PTPRK: variants seen among roughly 807,000 people sequenced by gnomAD.
The protein encoded by PTPRK is receptor-type tyrosine-protein phosphatase kappa.
PTPRK carries 75 observed loss-of-function variants against 178.0 expected under a neutral mutation model. The ratio of observed to expected loss-of-function variants is 0.42; its 90% confidence interval spans 0.35 to 0.51. PTPRK has a LOEUF of 0.51. Ranked by LOEUF, PTPRK falls within the 20% of genes least tolerant of loss-of-function variation. The pLI is 0.02. For missense variants in PTPRK, 1,441 were observed against 1,797.8 expected (o/e 0.80, Z 3.59); for synonymous variants, 637 against 620.6 (o/e 1.03, Z -0.39).
chr6:128,227,305 G>A (rs1014659855), intron 5 of PTPRK, among the ~76,000 whole-genome samples: 3 of 152,180 alleles, frequency 2.0e-5, no homozygotes, highest in African/African-American at 7.2e-5. Flanking sequence ...GGTGAAGTCA[G>A]AAGACAAATG....
chr6:128,404,158 A>G (rs1841374225), intron 1 of PTPRK, among the ~76,000 whole-genome samples: 1 of 152,208 alleles, frequency 6.6e-6, no homozygotes, highest in South Asian at 2.1e-4. Context: ...TCTTTCTCAC[A>G]TATTAAGAGG....
intron 4 of PTPRK, 86 bp from the exon 5 acceptor site, chr6:128,240,236 T>C (rs889182802): frequency 2.9e-6 from 3 of 1,021,766 alleles, no homozygotes; most frequent in East Asian, 2.6e-5. Context: ...ATATTATCAT[T>C]AGTGTTTTTA....
At chr6:128,055,259 CA>C (rs1779698693) in intron 13 of PTPRK, among the ~76,000 whole-genome samples, 2 of 151,942 alleles carry the variant, frequency 1.3e-5, no homozygotes, top group Non-Finnish European at 2.9e-5. Context: ...CTAAAGGACT[CA>C]AAGAATAAGA....
intron 2 of PTPRK, among the ~76,000 whole-genome samples, chr6:128,346,183 A>C (rs147459894): frequency 1.3e-5 from 2 of 152,086 alleles, no homozygotes; most frequent in Admixed American, 6.6e-5. Flanking sequence ...AATCTCATAG[A>C]ATTCTATGAT....
intron 9 of PTPRK, 65 bp downstream of exon 9, chr6:128,083,650 T>C: frequency 2.1e-6 from 2 of 938,308 alleles, no homozygotes; most frequent in South Asian, 4.2e-5. Context: ...CCTCTAACTT[T>C]TCCTTTCTTC....
At chr6:128,346,531 CTTTA>C (rs1832457701) in intron 2 of PTPRK, among the ~76,000 whole-genome samples, 2 of 152,014 alleles carry the variant, frequency 1.3e-5, no homozygotes, top group Admixed American at 6.6e-5. Flanking sequence ...AATAGAATTG[CTTTA>C]TTTTTTAGTT....
At chr6:128,013,705 T>C (rs1210109978) in intron 13 of PTPRK, among the ~76,000 whole-genome samples, 2 of 151,570 alleles carry the variant, frequency 1.3e-5, no homozygotes, top group Admixed American at 6.6e-5. Context: ...GCACAGTCAC[T>C]TTCTCACACA....
At chr6:128,279,843 T>C (rs1300484363) in intron 3 of PTPRK, among the ~76,000 whole-genome samples, 1 of 152,142 alleles carries the variant, frequency 6.6e-6, no homozygotes, top group Non-Finnish European at 1.5e-5. Flanking sequence ...TAACAACTCC[T>C]CACATTCCAT....
intron 5 of PTPRK, among the ~76,000 whole-genome samples, chr6:128,238,364 A>G (rs1813745200): frequency 6.6e-6 from 1 of 152,018 alleles, no homozygotes; most frequent in African/African-American, 2.4e-5. Context: ...AAAAAAAAAA[A>G]TGAGCAGTAT....
chr6:128,371,038 T>C (rs1836203028), intron 2 of PTPRK, among the ~76,000 whole-genome samples: 1 of 152,156 alleles, frequency 6.6e-6, no homozygotes, highest in Non-Finnish European at 1.5e-5. Context: ...ACAACTCAAT[T>C]ACAATCAGAC....
At chr6:128,462,758 C>A (rs527924488) in intron 1 of PTPRK, among the ~76,000 whole-genome samples, 3 of 151,780 alleles carry the variant, frequency 2.0e-5, no homozygotes, top group Admixed American at 6.6e-5. Flanking sequence ...AGGGTTCAAG[C>A]GATTCTCCTG....
At chr6:128,220,685 G>A (rs983427197) in intron 5 of PTPRK, among the ~76,000 whole-genome samples, 1 of 152,148 alleles carries the variant, frequency 6.6e-6, no homozygotes, top group Non-Finnish European at 1.5e-5. Flanking sequence ...GTGGGATCAA[G>A]GAGATACGTA....
At chr6:128,422,079 C>T (rs1226053288) in intron 1 of PTPRK, among the ~76,000 whole-genome samples, 1 of 152,170 alleles carries the variant, frequency 6.6e-6, no homozygotes, top group Non-Finnish European at 1.5e-5. Context: ...TTGTGTTGTG[C>T]ATTTTCAAAG....
chr6:128,121,265 T>A (rs1397766893), intron 7 of PTPRK, among the ~76,000 whole-genome samples: 1 of 151,962 alleles, frequency 6.6e-6, no homozygotes, highest in African/African-American at 2.4e-5. Context: ...GGGAGGAAAT[T>A]TAGTTTTAAT....
At chr6:128,228,384 C>G (rs940501107) in intron 5 of PTPRK, among the ~76,000 whole-genome samples, 29 of 151,580 alleles carry the variant, frequency 1.9e-4, no homozygotes, top group Non-Finnish European at 2.7e-4. Flanking sequence ...CGGTGGCTCA[C>G]GCCTGTAATC....
intron 7 of PTPRK, among the ~76,000 whole-genome samples, chr6:128,103,516 G>A (rs985636048): frequency 1.9e-4 from 29 of 152,232 alleles, no homozygotes; most frequent in Non-Finnish European, 3.8e-4. Context: ...TGCTCACCCT[G>A]GTTCCTGCAC....
intron 13 of PTPRK, among the ~76,000 whole-genome samples, chr6:128,038,535 A>T (rs939887669): frequency 6.6e-6 from 1 of 152,276 alleles, no homozygotes; most frequent in Admixed American, 6.5e-5. Context: ...CCACTCAATG[A>T]CAATGTCTGC....
In PTPRK at chr6:128,519,782, G is replaced by A. The variant is rs1367008189; in HGVS notation, c.100+477C>T. 6.6e-6 allele frequency among the ~76,000 whole-genome samples: 1 copy of A among 152,194 alleles called. No homozygotes were observed. Among genetic ancestry groups the A allele is most frequent in the East Asian group, 1.9e-4 (1 of 5,176 alleles). On this transcript the variant is annotated intron_variant, in intron 1 of 29. Transcript: ENST00000368226. This position sits in a 1 kb window ranked among gnomAD's most constrained non-coding sequence, Gnocchi z 4.3. ...AGTAGTTAGACAATAGTCAGGGGAG[G>A]TTATTCCCGGGACAAAAAGCACCTG...
chr6:128,440,041 A>G (rs1232780911), intron 1 of PTPRK, among the ~76,000 whole-genome samples: 3 of 152,208 alleles, frequency 2.0e-5, no homozygotes, highest in Admixed American at 6.5e-5. Flanking sequence ...CAAACCAGAG[A>G]GAAAATACAG....
Sources: allele counts gnomAD v4.1 joint callset (sites outside exome capture counted in the v4.1 genomes callset), GRCh38; gene constraint gnomAD v4.1.1; non-coding constraint Gnocchi (gnomAD v3.1); transcripts MANE v1.5; gene names NCBI Gene and HGNC (gene_info 2026-07-23, HGNC 2026-07-21).